The following ZNF804A variants were observed in gnomAD, a reference collection of about 807,000 sequenced individuals.
ZNF804A encodes the protein zinc finger protein 804A.
ZNF804A carries 2 observed loss-of-function variants against 16.5 expected under a neutral mutation model. The ratio of observed to expected loss-of-function variants is 0.12; its 90% CI spans 0.05 to 0.38. ZNF804A has a LOEUF of 0.38. ZNF804A is among the 10% of genes least tolerant of loss of function. The pLI is 0.99. For missense variants in ZNF804A, 1,473 were observed against 1,390.7 expected (o/e 1.06, Z -0.94); for synonymous variants, 534 against 489.6 (o/e 1.09, Z -1.20).
intron 1 of ZNF804A, among the ~76,000 whole-genome samples, chr2:184,831,142 C>T (rs1695256632): frequency 6.6e-6 from 1 of 152,076 alleles, no homozygotes; most frequent in African/African-American, 2.4e-5. Flanking sequence ...AACAAGATTT[C>T]CCTTCCAGGT....
chr2:184,621,969 G>A (rs1222211643), intron 1 of ZNF804A, among the ~76,000 whole-genome samples: 3 of 151,742 alleles, frequency 2.0e-5, no homozygotes, highest in African/African-American at 2.4e-5. Context: ...TTTTTGATGT[G>A]AAATTTTGAA....
At chr2:184,664,654 T>C (rs1692228528) in intron 1 of ZNF804A, among the ~76,000 whole-genome samples, 1 of 152,212 alleles carries the variant, frequency 6.6e-6, no homozygotes, top group African/African-American at 2.4e-5. Context: ...TCATGTTCTT[T>C]AGCTGCATCA....
chr2:184,636,746 T>C (rs902336220), intron 1 of ZNF804A, among the ~76,000 whole-genome samples: 16 of 152,124 alleles, frequency 1.1e-4, no homozygotes, highest in African/African-American at 3.6e-4. Flanking sequence ...GAACCTACAT[T>C]GACAATCACT....
chr2:184,754,755 T>C (rs868091936), intron 1 of ZNF804A, among the ~76,000 whole-genome samples: 7 of 151,854 alleles, frequency 4.6e-5, no homozygotes, highest in Non-Finnish European at 7.4e-5. Context: ...GCTTGAAAAA[T>C]TTATTCATCT....
At chr2:184,807,838 T>A (rs1352971493) in intron 1 of ZNF804A, among the ~76,000 whole-genome samples, 1 of 151,704 alleles carries the variant, frequency 6.6e-6, no homozygotes, top group East Asian at 1.9e-4. Flanking sequence ...GCTGCTTCTT[T>A]TGGCCTTGAA....
chr2:184,795,432 G>T (rs759557370), intron 1 of ZNF804A, among the ~76,000 whole-genome samples: 2 of 151,988 alleles, frequency 1.3e-5, no homozygotes, highest in Non-Finnish European at 2.9e-5. Context: ...GTGCTAAGAG[G>T]AAAGTTGATA....
intron 1 of ZNF804A, among the ~76,000 whole-genome samples, chr2:184,657,377 G>A (rs1413419366): frequency 6.6e-6 from 1 of 152,178 alleles, no homozygotes; most frequent in Non-Finnish European, 1.5e-5. Flanking sequence ...TTGAGCCACA[G>A]CACCTGATGT....
intron 1 of ZNF804A, among the ~76,000 whole-genome samples, chr2:184,786,668 A>G (rs964849278): frequency 5.9e-5 from 9 of 151,992 alleles, no homozygotes; most frequent in African/African-American, 1.9e-4. Flanking sequence ...ATAATAAATT[A>G]GCAGGAATGT....
chr2:184,681,283 A>C (rs1692534539), intron 1 of ZNF804A, among the ~76,000 whole-genome samples: 2 of 152,164 alleles, frequency 1.3e-5, no homozygotes, highest in Admixed American at 1.3e-4. Context: ...AGCCTACACT[A>C]TGCCACAAAA....
chr2:184,667,247 A>C (rs1296822224), intron 1 of ZNF804A, among the ~76,000 whole-genome samples: 2 of 151,892 alleles, frequency 1.3e-5, no homozygotes, highest in East Asian at 3.8e-4. Flanking sequence ...GTTAAAATAC[A>C]CTCTAATGTT....
intron 1 of ZNF804A, among the ~76,000 whole-genome samples, chr2:184,634,112 A>G (rs950214697): frequency 3.9e-5 from 6 of 152,180 alleles, no homozygotes; most frequent in African/African-American, 1.4e-4. Flanking sequence ...AAATTATTCA[A>G]TATATCAGTT....
chr2:184,865,168 C>T lies in ZNF804A; in HGVS notation c.112-1201C>T, dbSNP rs548904084. 2.8e-4 allele frequency among the ~76,000 whole-genome samples: 42 copies of T among 152,076 alleles called. 1 individual carries two copies. The highest frequency in any genetic ancestry group is 1.4e-3 in the Admixed American group (21 of 15,280). ...GTGCTGGGACTGCAGGCATGAGCCA[C>T]GGCGCCAGGCCTAGTTATTCTGAAT... On this transcript the variant is annotated intron_variant, in intron 1 of 3. Coordinates refer to ENST00000302277, the MANE Select transcript of ZNF804A (RefSeq NM_194250.2).
chr2:184,754,524 C>T (rs1693928329), intron 1 of ZNF804A, among the ~76,000 whole-genome samples: 1 of 151,744 alleles, frequency 6.6e-6, no homozygotes, highest in Non-Finnish European at 1.5e-5. Context: ...CCTATTTCAG[C>T]TATTGGTTTC....
intron 1 of ZNF804A, among the ~76,000 whole-genome samples, chr2:184,796,170 G>A (rs1410444827): frequency 6.6e-6 from 1 of 152,018 alleles, no homozygotes; most frequent in East Asian, 1.9e-4. Flanking sequence ...CTATCGGTCT[G>A]TAGTTTCCTT....
chr2:184,888,918 TAA>T (rs1315735427), intron 2 of ZNF804A, among the ~76,000 whole-genome samples: 1 of 152,036 alleles, frequency 6.6e-6, no homozygotes, highest in Non-Finnish European at 1.5e-5. Flanking sequence ...TCACTTTTTA[TAA>T]AAAGTGTTTG....
intron 1 of ZNF804A, among the ~76,000 whole-genome samples, chr2:184,727,498 A>G (rs1693431863): frequency 6.6e-6 from 1 of 151,626 alleles, no homozygotes; most frequent in Admixed American, 6.6e-5. Context: ...CTAACTCATG[A>G]TGCCTAATTT....
intron 2 of ZNF804A, among the ~76,000 whole-genome samples, chr2:184,891,940 G>C (rs1684989490): frequency 6.6e-6 from 1 of 151,990 alleles, no homozygotes; most frequent in Non-Finnish European, 1.5e-5. Context: ...AATATTTCTA[G>C]AAAAACCAAA....
chr2:184,865,433 AAGG>A lies in ZNF804A; in HGVS notation c.112-933_112-931del, dbSNP rs1025758019. ...CTCAGATTGCTTCCACTTATGGCAG[AAGG>A]AGAAGGGGAACCAACAGGTTCAGAG... is the stretch of plus-strand genomic sequence containing the variant. On this transcript the variant is annotated intron_variant, in intron 1 of 3. Transcript: ENST00000302277. 2.6e-4 allele frequency among the ~76,000 whole-genome samples: 39 copies of A among 152,156 alleles called. 1 individual carries two copies. Among genetic ancestry groups the A allele is most frequent in the African/African-American group, 9.2e-4 (38 of 41,530 alleles).
intron 1 of ZNF804A, among the ~76,000 whole-genome samples, chr2:184,659,861 T>C (rs1692140457): frequency 6.6e-6 from 1 of 152,210 alleles, no homozygotes; most frequent in African/African-American, 2.4e-5. Flanking sequence ...AGCTGAAGTA[T>C]ACGATAGTCA....
Sources: gnomAD v4.1 joint callset for allele counts (sites outside exome capture counted in the v4.1 genomes callset) on GRCh38, gnomAD v4.1.1 for gene constraint, MANE v1.5 for transcripts, NCBI Gene and HGNC (gene_info 2026-07-23, HGNC 2026-07-21) for gene names.